Variants in CDK6 observed in about 807,000 individuals in gnomAD.
The protein encoded by CDK6 is cyclin-dependent kinase 6.
CDK6 carries 6 observed loss-of-function variants against 37.1 expected under a neutral mutation model. That is an observed-to-expected ratio of 0.16 (90% CI 0.09 to 0.32). The LOEUF is 0.32. Among genes scored for constraint, CDK6 ranks in the 10% least tolerant of loss-of-function variants. The pLI is 1.00. For missense variants in CDK6, 224 were observed against 418.9 expected (o/e 0.53, Z 4.06); for synonymous variants, 160 against 161.3 (o/e 0.99, Z 0.06).
Position 92,611,762 on chromosome 7 carries a change from T to C in CDK6, c.*3378A>G. The C allele has an allele frequency of 4.3e-6, 1 of 230,526 alleles. No individual in the cohort carries two copies. The highest frequency in any genetic ancestry group is 8.6e-6 in the Non-Finnish European group (1 of 116,348). 14.3% of individuals were successfully genotyped at this position (230,526 alleles called of 1,614,324 possible). A position where few individuals can be genotyped will look rare whatever the true frequency, so the allele number is the denominator to read the frequency against. ...GGAACATCTCATGCCTTCTAAAGCT[T>C]TCATTTTTATTTAACACAATGCTGA... On this transcript the variant is annotated 3_prime_UTR_variant, in exon 8 of 8. Transcript: ENST00000424848.
At chr7:92,648,417 G>A (rs1317234186) in intron 5 of CDK6, among the ~76,000 whole-genome samples, 1 of 152,228 alleles carries the variant, frequency 6.6e-6, no homozygotes, top group African/African-American at 2.4e-5. Flanking sequence ...CAAAGGGGTA[G>A]AGGATAAGGC....
At position 92,831,678 on chromosome 7, in the gene CDK6, C is replaced by T. The variant is rs576868702; in HGVS notation, c.233+1413G>A. On this transcript the variant is annotated intron_variant, in intron 2 of 7. Coordinates refer to ENST00000424848, the MANE Select transcript of CDK6 (RefSeq NM_001145306.2). ...ACTCATTCTCCTTCACTAGCTAGGC[C>T]GAGGTATAATGCGGTCTTAACTTTA... 9.9e-5 allele frequency among the ~76,000 whole-genome samples: 15 copies of T among 152,234 alleles called. No homozygotes were observed. In the South Asian group the frequency reaches 2.5e-3, roughly 25 times the overall value.
chr7:92,681,308 G>C (rs777901743), intron 4 of CDK6, among the ~76,000 whole-genome samples: 9 of 152,182 alleles, frequency 5.9e-5, no homozygotes, highest in Non-Finnish European at 4.4e-5. Flanking sequence ...TGGGGGAAGA[G>C]AGCCACTCAG....
intron 3 of CDK6, among the ~76,000 whole-genome samples, chr7:92,739,945 G>C (rs1274932246): frequency 1.3e-5 from 2 of 152,076 alleles, no homozygotes; most frequent in Non-Finnish European, 2.9e-5. Context: ...TTTTTGTAGA[G>C]ACAGAGTCTT....
intron 3 of CDK6, among the ~76,000 whole-genome samples, chr7:92,750,433 A>G (rs963581594): frequency 1.3e-5 from 2 of 152,176 alleles, no homozygotes; most frequent in Non-Finnish European, 2.9e-5. Flanking sequence ...TGATTCCTCC[A>G]GTTTTGGTTA....
intron 3 of CDK6, 43 bp from the exon 4 acceptor site, chr7:92,725,836 G>C (rs1235891198): frequency 6.4e-7 from 1 of 1,571,334 alleles, no homozygotes; most frequent in East Asian, 2.3e-5. Flanking sequence ...ACTCAAAACG[G>C]AAGTTGAGCA....
intron 4 of CDK6, among the ~76,000 whole-genome samples, chr7:92,673,375 A>C (rs903433435): frequency 6.6e-6 from 1 of 152,174 alleles, no homozygotes; most frequent in Non-Finnish European, 1.5e-5. Flanking sequence ...CATCTAACAT[A>C]TTTTGCTTTG....
chr7:92,799,828 A>G (rs1289191569), intron 2 of CDK6, among the ~76,000 whole-genome samples: 3 of 152,190 alleles, frequency 2.0e-5, no homozygotes, highest in East Asian at 1.9e-4. Context: ...CCGGATTCCT[A>G]TCTGGATGGA....
At position 92,734,507 on chromosome 7, in the gene CDK6, G is replaced by T. The variant is rs183613667; in HGVS notation, c.370-8714C>A. 4.8e-3 allele frequency among the ~76,000 whole-genome samples: 730 copies of T among 152,238 alleles called. 3 individuals are homozygous for T. The highest frequency in any genetic ancestry group is 7.0e-3 in the Non-Finnish European group (477 of 68,018). On this transcript the variant is annotated intron_variant, in intron 3 of 7. Coordinates refer to ENST00000424848, the MANE Select transcript of CDK6 (RefSeq NM_001145306.2). ...GCCCCATGGCCCCAACTCCTGGCAG[G>T]GTCCTGCTTAAATTGCTCTTCCTCT...
At chr7:92,696,958 G>A (rs1797734941) in intron 4 of CDK6, among the ~76,000 whole-genome samples, 1 of 152,188 alleles carries the variant, frequency 6.6e-6, no homozygotes, top group South Asian at 2.1e-4. Context: ...ACAGGAATGA[G>A]AGAGAGAATT....
At chr7:92,757,128 G>A (rs1278569777) in intron 3 of CDK6, among the ~76,000 whole-genome samples, 1 of 152,148 alleles carries the variant, frequency 6.6e-6, no homozygotes, top group Admixed American at 6.5e-5. Context: ...TGTGCTTTCT[G>A]ATAACAAAGT....
chr7:92,770,319 CTTTTT>C (rs746741500), intron 3 of CDK6, among the ~76,000 whole-genome samples: 3 of 90,934 alleles, frequency 3.3e-5, no homozygotes, highest in Admixed American at 1.1e-4. Flanking sequence ...TCTATGTATG[CTTTTT>C]TTTTTTTTTT....
At chr7:92,749,616 T>C (rs1488216772) in intron 3 of CDK6, among the ~76,000 whole-genome samples, 1 of 152,218 alleles carries the variant, frequency 6.6e-6, no homozygotes, top group Non-Finnish European at 1.5e-5. Context: ...TTTGATCCTC[T>C]GAACCTCTTT....
At chr7:92,747,793 C>T (rs190092269) in intron 3 of CDK6, among the ~76,000 whole-genome samples, 123 of 152,250 alleles carry the variant, frequency 8.1e-4, no homozygotes, top group East Asian at 1.9e-4. Flanking sequence ...TATCTACAAG[C>T]TGTGTGTCCA....
intron 3 of CDK6, among the ~76,000 whole-genome samples, chr7:92,740,610 T>C (rs1410003491): frequency 6.6e-6 from 1 of 152,168 alleles, no homozygotes; most frequent in African/African-American, 2.4e-5. Context: ...GCATTTTACA[T>C]ACATTATTTT....
rs142612444 is a variant in CDK6 at position 92,761,240 on chromosome 7, A to T, written c.369+13456T>A. 3.3e-3 allele frequency among the ~76,000 whole-genome samples: 499 copies of T among 152,246 alleles called. 2 individuals carry two copies. Among genetic ancestry groups the T allele is most frequent in the African/African-American group, 0.012 (479 of 41,564 alleles). On this transcript the variant is annotated intron_variant, in intron 3 of 7. Transcript: ENST00000424848. ...TAGAAAACTCTACTACCAGATCTGA[A>T]AAATATTTGTTTACATATTATTATA...
At position 92,824,183 on chromosome 7, in the gene CDK6, A is replaced by T. The variant is rs77822953; in HGVS notation, c.233+8908T>A. On this transcript the variant is annotated intron_variant, in intron 2 of 7. Transcript: ENST00000424848. ...AATTCACTAAAGATTAGTGCCCCTA[A>T]AAAAGAACTGCTTCATTGCTGTGAA... Among the ~76,000 whole-genome samples the T allele has an allele frequency of 4.4e-3, 671 of 152,152 alleles. 3 individuals are homozygous for T. Among genetic ancestry groups the T allele is most frequent in the African/African-American group, 0.015 (621 of 41,522 alleles).
intron 4 of CDK6, among the ~76,000 whole-genome samples, chr7:92,716,590 A>G (rs1282046040): frequency 6.6e-6 from 1 of 152,314 alleles, no homozygotes; most frequent in East Asian, 1.9e-4. Context: ...ACACTATGAT[A>G]TTATCAAAGC....
rs1373012002 is a variant in CDK6, at chr7:92,610,003, A to G, written c.*5137T>C. 8.7e-6 allele frequency: 2 copies of G among 229,862 alleles called. No individual in the cohort carries two copies. The highest frequency in any genetic ancestry group is 4.4e-5 in the African/African-American group (2 of 45,330). The allele number at this position is 229,862 out of a possible 1,614,324, so 14.2% of individuals were successfully genotyped here. ...AAAACAAGTGCTAGGAAAGAGTTAA[A>G]TATGCGCAGAAAAATAAAGTTAGAA... On this transcript the variant is annotated 3_prime_UTR_variant, in exon 8 of 8. Transcript: ENST00000424848.
Sources: gnomAD v4.1 joint callset for allele counts (sites outside exome capture counted in the v4.1 genomes callset) on GRCh38, gnomAD v4.1.1 for gene constraint, MANE v1.5 for transcripts, NCBI Gene and HGNC (gene_info 2026-07-23, HGNC 2026-07-21) for gene names.